The following SPOCK3 variants were observed in gnomAD, a reference collection of about 807,000 sequenced individuals.
SPOCK3 encodes testican-3.
SPOCK3 carries 30 observed loss-of-function variants against 56.6 expected under a neutral mutation model. That is an observed-to-expected ratio of 0.53 (90% confidence interval 0.40 to 0.72). SPOCK3 has a LOEUF of 0.72. Among genes scored for constraint, SPOCK3 ranks in the 30% least tolerant of loss-of-function variants. SPOCK3 has a pLI of 0.00. For synonymous variants in SPOCK3, 196 were observed against 183.3 expected, an observed-to-expected ratio of 1.07 and a Z score of -0.56; for missense variants, 527 against 530.0, an observed-to-expected ratio of 0.99 and a Z score of 0.06.
intron 4 of SPOCK3, among the ~76,000 whole-genome samples, chr4:166,914,580 G>C (rs1056345418): frequency 6.6e-6 from 1 of 152,146 alleles, no homozygotes; most frequent in Admixed American, 6.6e-5. Context: ...AGACCAGCCT[G>C]ACCAACATGG....
At chr4:166,802,200 A>G (rs1212006810) in intron 6 of SPOCK3, among the ~76,000 whole-genome samples, 5 of 152,124 alleles carry the variant, frequency 3.3e-5, no homozygotes, top group African/African-American at 1.2e-4. Flanking sequence ...GAATGCTTGC[A>G]GGTATATTTG....
At chr4:167,101,773 AG>A (rs1289289744) in intron 2 of SPOCK3, among the ~76,000 whole-genome samples, 7 of 134,054 alleles carry the variant, frequency 5.2e-5, no homozygotes, top group Middle Eastern at 4.8e-3. Context: ...GCCAGGCTGG[AG>A]TGCAGTGATG....
At chr4:166,829,731 T>C (rs1278280108) in intron 6 of SPOCK3, among the ~76,000 whole-genome samples, 1 of 152,104 alleles carries the variant, frequency 6.6e-6, no homozygotes, top group African/African-American at 2.4e-5. Context: ...AGATAGATAA[T>C]ATTGTCTTAG....
intron 5 of SPOCK3, among the ~76,000 whole-genome samples, chr4:166,906,869 T>A (rs2127076920): frequency 6.6e-6 from 1 of 152,130 alleles, no homozygotes; most frequent in Non-Finnish European, 1.5e-5. Context: ...ATTAAAAAAT[T>A]GAAATGCAAT....
intron 2 of SPOCK3, chr4:167,119,709 A>T: frequency 1.0e-6 from 1 of 967,062 alleles, no homozygotes. Context: ...TGAAGTATTT[A>T]AATAGAGAAC....
At chr4:167,013,515 ATAT>A (rs1750301046) in intron 3 of SPOCK3, among the ~76,000 whole-genome samples, 5 of 150,922 alleles carry the variant, frequency 3.3e-5, no homozygotes, top group Admixed American at 1.3e-4. Flanking sequence ...AGTATAAATA[ATAT>A]TATTTATAAA....
chr4:167,036,598 T>C (rs1470913489), intron 3 of SPOCK3, among the ~76,000 whole-genome samples: 1 of 152,202 alleles, frequency 6.6e-6, no homozygotes, highest in Non-Finnish European at 1.5e-5. Context: ...AGATATGGTG[T>C]ATTTTGACAT....
At chr4:167,203,777 C>T (rs979072307) in intron 2 of SPOCK3, among the ~76,000 whole-genome samples, 1 of 150,738 alleles carries the variant, frequency 6.6e-6, no homozygotes, top group Non-Finnish European at 1.5e-5. Context: ...ATAACCAATC[C>T]TGTCACAGCT....
chr4:166,833,973 C>T (rs1392204975), intron 6 of SPOCK3, among the ~76,000 whole-genome samples: 1 of 152,188 alleles, frequency 6.6e-6, no homozygotes, highest in Non-Finnish European at 1.5e-5. Context: ...TCTACTTCAG[C>T]TTTTGAAGGA....
At chr4:166,928,007 C>T (rs4597860) in intron 4 of SPOCK3, among the ~76,000 whole-genome samples, 56,913 of 151,920 alleles carry the variant, frequency 0.37, 11,882 homozygotes, top group East Asian at 0.69. Flanking sequence ...ATTCAGGACT[C>T]GCAAATTGAA....
intron 4 of SPOCK3, among the ~76,000 whole-genome samples, chr4:166,979,602 T>G (rs1023443320): frequency 6.6e-6 from 1 of 152,214 alleles, no homozygotes; most frequent in African/African-American, 2.4e-5. Flanking sequence ...CCTTAAAATT[T>G]TGCTTGGCTC....
intron 6 of SPOCK3, among the ~76,000 whole-genome samples, chr4:166,840,268 T>C (rs1358521590): frequency 6.6e-6 from 1 of 152,182 alleles, no homozygotes; most frequent in East Asian, 1.9e-4. Context: ...TTCATAGTAC[T>C]TTGGGACATA....
intron 2 of SPOCK3, among the ~76,000 whole-genome samples, chr4:167,091,260 C>A (rs1032170195): frequency 7.2e-5 from 11 of 152,156 alleles, no homozygotes; most frequent in Non-Finnish European, 1.3e-4. Context: ...CATGGTATAA[C>A]AAAAATAGCA....
intron 6 of SPOCK3, among the ~76,000 whole-genome samples, chr4:166,861,866 C>T (rs2126911931): frequency 6.6e-6 from 1 of 152,200 alleles, no homozygotes; most frequent in Middle Eastern, 3.4e-3. Flanking sequence ...TGGGATTCCT[C>T]TTCACACTCT....
At chr4:166,830,735 T>C (rs546467873) in intron 6 of SPOCK3, among the ~76,000 whole-genome samples, 21 of 151,788 alleles carry the variant, frequency 1.4e-4, no homozygotes, top group Admixed American at 3.9e-4. Flanking sequence ...TTTGTCTCCC[T>C]CCCCGCCCCG....
At chr4:166,885,415 C>G (rs987417219) in intron 6 of SPOCK3, among the ~76,000 whole-genome samples, 1 of 151,368 alleles carries the variant, frequency 6.6e-6, no homozygotes, top group African/African-American at 2.4e-5. Context: ...ACTCTTTGCT[C>G]AAGAACATAA....
At chr4:167,111,389 A>C (rs950290416) in intron 2 of SPOCK3, among the ~76,000 whole-genome samples, 1 of 152,038 alleles carries the variant, frequency 6.6e-6, no homozygotes, top group Admixed American at 6.6e-5. Flanking sequence ...ACCTAATCCC[A>C]GCCAAACAGA....
At chr4:166,893,295 T>C (rs1210932340) in intron 5 of SPOCK3, among the ~76,000 whole-genome samples, 1 of 152,136 alleles carries the variant, frequency 6.6e-6, no homozygotes, top group Admixed American at 6.6e-5. Flanking sequence ...CCCTTAGGAA[T>C]TTTTTCTTGG....
At chr4:167,223,064 TG>T (rs1272312602) in intron 2 of SPOCK3, among the ~76,000 whole-genome samples, 34 of 114,116 alleles carry the variant, frequency 3.0e-4, no homozygotes, top group African/African-American at 9.9e-4. Context: ...ATTTTATATA[TG>T]AATATATATT....
Sources: allele counts gnomAD v4.1 joint callset (sites outside exome capture counted in the v4.1 genomes callset), GRCh38; gene constraint gnomAD v4.1.1; transcripts MANE v1.5; gene names NCBI Gene and HGNC (gene_info 2026-07-23, HGNC 2026-07-21).